Variants in CCSER1 observed in about 807,000 individuals in gnomAD.
CCSER1 encodes the protein serine-rich coiled-coil domain-containing protein 1.
In CCSER1, 41 loss-of-function variants were observed where a neutral mutation model predicts 82.0. The observed-to-expected ratio is 0.50, with a 90% CI of 0.39 to 0.65. The LOEUF is 0.65. Ranked by LOEUF, CCSER1 falls within the 30% of genes least tolerant of loss-of-function variation. The pLI is 0.00. For missense variants in CCSER1, 1,119 were observed against 1,064.2 expected, an observed-to-expected ratio of 1.05 and a Z score of -0.72; for synonymous variants, 414 against 383.9, an observed-to-expected ratio of 1.08 and a Z score of -0.92.
intron 10 of CCSER1, among the ~76,000 whole-genome samples, chr4:91,371,584 A>T (rs1750054643): frequency 6.6e-6 from 1 of 152,114 alleles, no homozygotes; most frequent in African/African-American, 2.4e-5. Flanking sequence ...CCGTTCATGG[A>T]CACTTAGATT....
intron 5 of CCSER1, among the ~76,000 whole-genome samples, chr4:90,474,848 CTT>C (rs1199477352): frequency 6.6e-6 from 1 of 151,940 alleles, no homozygotes; most frequent in East Asian, 1.9e-4. Flanking sequence ...AAACTAATAA[CTT>C]ATAATACATT....
intron 9 of CCSER1, among the ~76,000 whole-genome samples, chr4:91,005,390 T>TACACAC (rs10555507): frequency 6.7e-6 from 1 of 149,134 alleles, no homozygotes; most frequent in African/African-American, 2.5e-5. Flanking sequence ...GAAGTAATTT[T>TACACAC]ACACACACAC....
At chr4:90,851,107 C>A (rs1189741042) in intron 8 of CCSER1, among the ~76,000 whole-genome samples, 1 of 152,144 alleles carries the variant, frequency 6.6e-6, no homozygotes. Context: ...TGCCTTCCAC[C>A]ACGATTGTTA....
Position 91,603,462 on chromosome 4 carries a change from T to C in CCSER1, c.*4405T>C, listed in dbSNP as rs1424589306. On this transcript the variant is annotated 3_prime_UTR_variant, in exon 11 of 11. Transcript: ENST00000509176. ...AAAAGAATGAAGGCAGTTCACTCTG[T>C]TTAAGATGTGGAGAATTTCCTACAA... 3 of 152,106 alleles carry C rather than the reference T, an allele frequency of 2.0e-5. No homozygotes were observed. The highest frequency in any genetic ancestry group is 7.2e-5 in the African/African-American group (3 of 41,458). The allele number at this position is 152,106 out of a possible 1,614,324, so 9.4% of individuals were successfully genotyped here.
chr4:90,343,375 T>G lies in CCSER1; in HGVS notation c.1509+30328T>G, dbSNP rs868587180. 1.1e-4 allele frequency among the ~76,000 whole-genome samples: 16 copies of G among 152,248 alleles called. No individual in the cohort carries two copies. The Middle Eastern group carries it at 0.01, about 97-fold the overall frequency. ...AAACTAGACTCTAGGCCGGGCATGG[T>G]GGAGGCCAAGGTGGATGGATCATTT... On this transcript the variant is annotated intron_variant, in intron 3 of 10. Transcript: ENST00000509176.
At chr4:91,085,114 T>G (rs2148814581) in intron 9 of CCSER1, among the ~76,000 whole-genome samples, 1 of 152,038 alleles carries the variant, frequency 6.6e-6, no homozygotes, top group East Asian at 1.9e-4. Flanking sequence ...ACACTTTTTT[T>G]TTTTTACCTT....
At chr4:91,452,660 C>T (rs1755935129) in intron 10 of CCSER1, among the ~76,000 whole-genome samples, 1 of 151,994 alleles carries the variant, frequency 6.6e-6, no homozygotes, top group South Asian at 2.1e-4. Flanking sequence ...AAATGAAATT[C>T]ATACATCTTA....
intron 10 of CCSER1, among the ~76,000 whole-genome samples, chr4:91,362,942 GA>G (rs1244697539): frequency 1.3e-5 from 2 of 151,678 alleles, no homozygotes; most frequent in East Asian, 3.9e-4. Context: ...GTGAACTCCT[GA>G]AAAAGCCTGT....
intron 1 of CCSER1, among the ~76,000 whole-genome samples, chr4:90,175,705 AATCTT>A (rs1578333506): frequency 6.6e-6 from 1 of 152,136 alleles, no homozygotes; most frequent in East Asian, 1.9e-4. Context: ...GTATATGTAA[AATCTT>A]ATCAGTTACC....
intron 10 of CCSER1, among the ~76,000 whole-genome samples, chr4:91,376,897 T>TCCTTCCCC (rs1750452768): frequency 2.1e-5 from 1 of 48,268 alleles, no homozygotes; most frequent in Admixed American, 2.1e-4. Context: ...CCTAATACTA[T>TCCTTCCCC]CCCTCCCCCC....
intron 7 of CCSER1, among the ~76,000 whole-genome samples, 154 bp from the exon 8 acceptor site, chr4:90,815,608 T>C (rs1192319574): frequency 6.6e-6 from 1 of 152,038 alleles, no homozygotes; most frequent in Admixed American, 6.6e-5. Context: ...TTTTTGCAAC[T>C]AAGAATATAT....
chr4:90,503,660 G>GT (rs369643741), intron 5 of CCSER1, among the ~76,000 whole-genome samples: 1 of 152,018 alleles, frequency 6.6e-6, no homozygotes, highest in Non-Finnish European at 1.5e-5. Context: ...AGAACATGCG[G>GT]TTTTTGGTTT....
intron 6 of CCSER1, among the ~76,000 whole-genome samples, chr4:90,629,300 A>G (rs957707399): frequency 1.3e-4 from 20 of 152,298 alleles, no homozygotes; most frequent in African/African-American, 4.6e-4. Context: ...CTGTTCTTAC[A>G]CTGCTAATAA....
At chr4:90,958,806 G>A (rs1733774139) in intron 9 of CCSER1, among the ~76,000 whole-genome samples, 1 of 152,120 alleles carries the variant, frequency 6.6e-6, no homozygotes, top group African/African-American at 2.4e-5. Flanking sequence ...AGAATTGTCA[G>A]AAATAAATAC....
At chr4:91,042,090 G>C (rs1742011153) in intron 9 of CCSER1, among the ~76,000 whole-genome samples, 1 of 152,110 alleles carries the variant, frequency 6.6e-6, no homozygotes. Flanking sequence ...TTGTGATATG[G>C]TTTGGCTGTG....
At chr4:90,804,947 G>A (rs1757314049) in intron 7 of CCSER1, among the ~76,000 whole-genome samples, 1 of 152,020 alleles carries the variant, frequency 6.6e-6, no homozygotes, top group Non-Finnish European at 1.5e-5. Flanking sequence ...CTTGAAATGA[G>A]CTATTTGAAA....
At chr4:90,712,889 A>C (rs1580097715) in intron 6 of CCSER1, among the ~76,000 whole-genome samples, 1 of 147,540 alleles carries the variant, frequency 6.8e-6, no homozygotes, top group Admixed American at 6.8e-5. Context: ...ACCATTATAT[A>C]ATGTCCTTCG....
At chr4:90,654,534 C>T (rs950831153) in intron 6 of CCSER1, among the ~76,000 whole-genome samples, 1 of 151,988 alleles carries the variant, frequency 6.6e-6, no homozygotes, top group African/African-American at 2.4e-5. Context: ...GTACATTGCT[C>T]ATTTCTCTCT....
chr4:90,827,590 T>C (rs570459379), intron 8 of CCSER1, among the ~76,000 whole-genome samples: 29 of 152,310 alleles, frequency 1.9e-4, no homozygotes, highest in Non-Finnish European at 3.2e-4. Context: ...ACATTTAATG[T>C]CATTTTAGTA....
Sources: allele counts gnomAD v4.1 joint callset (sites outside exome capture counted in the v4.1 genomes callset), GRCh38; gene constraint gnomAD v4.1.1; transcripts MANE v1.5; gene names NCBI Gene and HGNC (gene_info 2026-07-23, HGNC 2026-07-21).